SSBP3: variants seen among roughly 807,000 people sequenced by gnomAD.
The protein encoded by SSBP3 is single-stranded DNA-binding protein 3.
A neutral mutation model predicts 69.6 loss-of-function variants in SSBP3; 5 were observed. The ratio of observed to expected loss-of-function variants is 0.07; its 90% CI spans 0.04 to 0.15. The LOEUF is 0.15. Among genes scored for constraint, SSBP3 ranks in the 10% least tolerant of loss-of-function variants. The pLI, the probability that SSBP3 is intolerant of heterozygous loss-of-function variation, is 1.00. For missense variants in SSBP3, 312 were observed against 534.0 expected (o/e 0.58, Z 4.10); for synonymous variants, 196 against 193.4 (o/e 1.01, Z -0.11).
At chr1:54,403,578 T>C (rs1649460347) in intron 3 of SSBP3, among the ~76,000 whole-genome samples, 1 of 152,168 alleles carries the variant, frequency 6.6e-6, no homozygotes, top group Admixed American at 6.5e-5. Flanking sequence ...TAAAAACTCA[T>C]TTTCTCTGCA....
At chr1:54,391,540 C>G (rs974734300) in intron 4 of SSBP3, among the ~76,000 whole-genome samples, 11 of 152,354 alleles carry the variant, frequency 7.2e-5, no homozygotes, top group East Asian at 3.9e-4. Context: ...CCTGCTCCCC[C>G]CTCTCCACTG....
chr1:54,252,817 G>A (rs7537722), intron 7 of SSBP3, among the ~76,000 whole-genome samples: 2,992 of 152,284 alleles, frequency 0.02, 74 homozygotes, highest in African/African-American at 0.067. Flanking sequence ...TTATAAATAT[G>A]AGCTTTTGCC....
chr1:54,314,080 G>C (rs1430284357), intron 4 of SSBP3, among the ~76,000 whole-genome samples: 1 of 152,174 alleles, frequency 6.6e-6, no homozygotes, highest in African/African-American at 2.4e-5. Flanking sequence ...TCACTTTTCA[G>C]ATCTATGAGG....
At chr1:54,260,534 C>T (rs955412084) in intron 5 of SSBP3, among the ~76,000 whole-genome samples, 1 of 152,256 alleles carries the variant, frequency 6.6e-6, no homozygotes, top group Non-Finnish European at 1.5e-5. Context: ...CAACCGGGGT[C>T]TGCTGAGATC....
At chr1:54,406,935 C>T (rs1649824521), upstream of SSBP3, among the ~76,000 whole-genome samples, 1 of 152,004 alleles carries the variant, frequency 6.6e-6, no homozygotes, top group Admixed American at 6.6e-5. Flanking sequence ...CGACCCCCTC[C>T]CCAGACTCCA....
At chr1:54,232,174 T>A (rs572852176) in intron 14 of SSBP3, among the ~76,000 whole-genome samples, 1 of 152,346 alleles carries the variant, frequency 6.6e-6, no homozygotes, top group East Asian at 1.9e-4. Context: ...TAGTAGCAAT[T>A]AGGAGGTGGA....
rs544917048 is a variant in SSBP3, at chr1:54,240,268, GGGT to G, written c.856+634_856+636del. On this transcript the variant is annotated intron_variant, in intron 13 of 17. Coordinates refer to ENST00000610401, the Ensembl canonical transcript of SSBP3. ...GAGGTCAGGAGTTCAAGGCCAGCCT[GGGT>G]ACATGGTGAAACCCCATCTCTACTA... Among the ~76,000 whole-genome samples the G allele has an allele frequency of 7.5e-3, 1,135 of 151,472 alleles. 13 individuals are homozygous for G. The highest frequency in any genetic ancestry group is 0.026 in the African/African-American group (1,066 of 41,082).
intron 5 of SSBP3, among the ~76,000 whole-genome samples, chr1:54,272,249 G>T (rs977367259): frequency 6.6e-6 from 1 of 152,140 alleles, no homozygotes; most frequent in African/African-American, 2.4e-5. Context: ...CCTGCACTTA[G>T]AACAGTGCCT....
At chr1:54,293,133 G>A (rs1433126050) in intron 4 of SSBP3, among the ~76,000 whole-genome samples, 1 of 152,184 alleles carries the variant, frequency 6.6e-6, no homozygotes, top group Admixed American at 6.5e-5. Context: ...TAAAGGGCAA[G>A]GCGGGGCTGC....
chr1:54,387,784 C>G (rs1005452836), intron 4 of SSBP3, among the ~76,000 whole-genome samples: 2 of 152,182 alleles, frequency 1.3e-5, no homozygotes, highest in African/African-American at 2.4e-5. Context: ...GCGATCGGCT[C>G]TCCACCATGA....
chr1:54,409,826 G>A (rs577838837), upstream of SSBP3, among the ~76,000 whole-genome samples: 16 of 151,994 alleles, frequency 1.1e-4, no homozygotes, highest in African/African-American at 3.6e-4. Flanking sequence ...CGCTGTTCTA[G>A]GCCTTGGGAG....
At chr1:54,227,617 A>C (rs138741417) in intron 17 of SSBP3, among the ~76,000 whole-genome samples, 1 of 151,770 alleles carries the variant, frequency 6.6e-6, no homozygotes, top group African/African-American at 2.4e-5. Context: ...TCACTCTGTC[A>C]CTCAGGCTGG....
intron 4 of SSBP3, among the ~76,000 whole-genome samples, chr1:54,388,208 G>C (rs990551346): frequency 1.3e-5 from 2 of 151,516 alleles, no homozygotes; most frequent in Non-Finnish European, 2.9e-5. Flanking sequence ...TTTCCCCAAG[G>C]TCCCCATCTC....
rs900538568 is a variant in SSBP3, at chr1:54,405,046, C to A, written c.57-116G>T. The A allele has an allele frequency of 7.7e-6, 7 of 906,152 alleles. No individual in the cohort carries two copies. The Admixed American group carries it at 1.0e-4, about 13-fold the overall frequency. The allele number at this position is 906,152 out of a possible 1,614,324, so 56.1% of individuals were successfully genotyped here. A position where few individuals can be genotyped will look rare whatever the true frequency, so the allele number is the denominator to read the frequency against. On this transcript the variant is annotated intron_variant, in intron 1 of 17. Coordinates refer to ENST00000610401, the Ensembl canonical transcript of SSBP3. ...TGTCTGCGCCGTCCCATTGTGGCCC[C>A]GACCAGAGGTAAGCAGCTAGCTCAC... is the stretch of plus-strand genomic sequence containing the variant.
chr1:54,382,985 C>T (rs936761385), intron 4 of SSBP3, among the ~76,000 whole-genome samples: 1 of 89,960 alleles, frequency 1.1e-5, no homozygotes, highest in Non-Finnish European at 2.3e-5. Context: ...AACTCCATGA[C>T]AAAAAAAAAA....
chr1:54,257,740 C>CG (rs1644947440), intron 6 of SSBP3, among the ~76,000 whole-genome samples: 1 of 151,980 alleles, frequency 6.6e-6, no homozygotes, highest in African/African-American at 2.4e-5. Flanking sequence ...AGAAAAGGCT[C>CG]GGGATGCAGC....
At chr1:54,309,911 T>C (rs973602922) in intron 4 of SSBP3, among the ~76,000 whole-genome samples, 1 of 152,008 alleles carries the variant, frequency 6.6e-6, no homozygotes, top group Non-Finnish European at 1.5e-5. Context: ...TCTATTAAAA[T>C]GCTCTTGTTG....
chr1:54,296,145 T>G (rs1467946770), intron 4 of SSBP3, among the ~76,000 whole-genome samples: 2 of 152,234 alleles, frequency 1.3e-5, no homozygotes, highest in Non-Finnish European at 2.9e-5. Flanking sequence ...GATGTAACTT[T>G]AAGGAACAGA....
intron 13 of SSBP3, among the ~76,000 whole-genome samples, chr1:54,240,087 T>TGTGC (rs1159547661): frequency 1.7e-3 from 73 of 42,346 alleles, no homozygotes; most frequent in Non-Finnish European, 2.4e-3. Flanking sequence ...TGTGTGTGTG[T>TGTGC]GCGCGCGCGC....
Sources: allele counts gnomAD v4.1 joint callset (sites outside exome capture counted in the v4.1 genomes callset), GRCh38; gene constraint gnomAD v4.1.1; transcripts MANE v1.5; gene names NCBI Gene and HGNC (gene_info 2026-07-23, HGNC 2026-07-21).